STAB2: variants seen among roughly 807,000 people sequenced by gnomAD.
STAB2 encodes the protein stabilin 2, also known as stabilin-2.
In STAB2, 288 loss-of-function variants were observed where a neutral mutation model predicts 338.1. The observed-to-expected ratio is 0.85, with a 90% CI of 0.77 to 0.94. The LOEUF is 0.94. Among genes scored for constraint, STAB2 ranks in the 40% least tolerant of loss-of-function variants. The pLI is 0.00. For missense variants in STAB2, 3,141 were observed against 3,210.1 expected (o/e 0.98, Z 0.52); for synonymous variants, 1,202 against 1,193.3 (o/e 1.01, Z -0.15).
At chr12:103,747,113 C>T (rs1883121595) in intron 58 of STAB2, among the ~76,000 whole-genome samples, 1 of 151,950 alleles carries the variant, frequency 6.6e-6, no homozygotes, top group Non-Finnish European at 1.5e-5. Context: ...TGCGCCACCG[C>T]ACCTGGCTAA....
intron 24 of STAB2, among the ~76,000 whole-genome samples, chr12:103,676,375 G>A (rs2138841452): frequency 6.6e-6 from 1 of 152,248 alleles, no homozygotes; most frequent in East Asian, 1.9e-4. Flanking sequence ...TTTCTTGTTG[G>A]CTTTTTTCAG....
At chr12:103,745,357 G>A (rs1882945331) in intron 57 of STAB2, 80 bp downstream of exon 57, 2 of 1,296,754 alleles carry the variant, frequency 1.5e-6, no homozygotes, top group African/African-American at 1.5e-5. Flanking sequence ...GAGGTTGGGA[G>A]TCTGAGTGAC....
intron 63 of STAB2, chr12:103,757,937 G>A (rs770468134): frequency 1.3e-4 from 76 of 566,832 alleles, no homozygotes; most frequent in Non-Finnish European, 1.9e-4. Context: ...AAGCAGCCAC[G>A]TGGAGGATGG....
Position 103,609,749 on chromosome 12 carries a change from C to T in STAB2, c.332-10719C>T, listed in dbSNP as rs555501714. On this transcript the variant is annotated intron_variant, in intron 3 of 68. Coordinates refer to ENST00000388887, the MANE Select transcript of STAB2 (RefSeq NM_017564.10). ...GTTGAATAGGAGTGGTGAGAGAGGA[C>T]ATCCCTGTCTTGTGCCAGTTTTCAA... 2.2e-3 allele frequency among the ~76,000 whole-genome samples: 330 copies of T among 152,248 alleles called. 2 individuals carry two copies. The highest frequency in any genetic ancestry group is 7.5e-3 in the African/African-American group (311 of 41,538).
chr12:103,620,211 T>C (rs1046071551), intron 3 of STAB2, among the ~76,000 whole-genome samples: 13 of 152,214 alleles, frequency 8.5e-5, no homozygotes, highest in African/African-American at 3.1e-4. Context: ...GTGATCTAAT[T>C]TGATCATTGT....
At chr12:103,621,320 T>C (rs1050279724) in intron 4 of STAB2, among the ~76,000 whole-genome samples, 1 of 152,106 alleles carries the variant, frequency 6.6e-6, no homozygotes, top group Admixed American at 6.6e-5. Flanking sequence ...GATTTTCTTT[T>C]ACCAGTTGAA....
chr12:103,732,736 T>A (rs1279701824), intron 50 of STAB2, among the ~76,000 whole-genome samples: 2 of 151,670 alleles, frequency 1.3e-5, no homozygotes, highest in Non-Finnish European at 2.9e-5. Context: ...ACCCACGAGG[T>A]TGAAGCTGCA....
At chr12:103,668,227 AT>A (rs1285646438) in intron 19 of STAB2, among the ~76,000 whole-genome samples, 1 of 152,212 alleles carries the variant, frequency 6.6e-6, no homozygotes, top group African/African-American at 2.4e-5. Flanking sequence ...GACTATCACA[AT>A]TTTGTTTGGC....
At chr12:103,660,481 A>G (rs1460496577) in intron 16 of STAB2, 97 bp downstream of exon 16, 1 of 1,453,680 alleles carries the variant, frequency 6.9e-7, no homozygotes, top group East Asian at 2.3e-5. Flanking sequence ...AATGTCCTTT[A>G]TCTGTAGCTC....
chr12:103,640,766 A>G (rs554941857), intron 9 of STAB2, among the ~76,000 whole-genome samples: 30 of 152,362 alleles, frequency 2.0e-4, no homozygotes, highest in African/African-American at 6.3e-4. Flanking sequence ...CTCACATGAT[A>G]GAAAGAAGAT....
At chr12:103,747,492 C>A (rs1011343846) in intron 58 of STAB2, among the ~76,000 whole-genome samples, 3 of 152,138 alleles carry the variant, frequency 2.0e-5, no homozygotes, top group Non-Finnish European at 2.9e-5. Flanking sequence ...ATACCATAAG[C>A]CCAGCCTGGA....
intron 3 of STAB2, among the ~76,000 whole-genome samples, chr12:103,598,955 G>A (rs1213223550): frequency 1.3e-5 from 2 of 152,208 alleles, no homozygotes; most frequent in African/African-American, 4.8e-5. Context: ...GTACCTGTGA[G>A]CCCAGGTGAG....
intron 52 of STAB2, among the ~76,000 whole-genome samples, chr12:103,737,411 A>T (rs60668623): frequency 0.12 from 17,750 of 152,220 alleles, 1,324 homozygotes; most frequent in South Asian, 0.2. Flanking sequence ...TAAAAGAATT[A>T]GCACAGGTAA....
At position 103,648,842 on chromosome 12, in the gene STAB2, A is replaced by G; in HGVS notation, c.1174+19A>G. The G allele has an allele frequency of 6.2e-7, 1 of 1,609,424 alleles. No homozygotes were observed. The highest frequency in any genetic ancestry group is 2.2e-5 in the East Asian group (1 of 44,834). ...CTCCTAGGTACGCAGCTATGGGTAC[A>G]GATTTCCACACAAAAGTCCTCTTTC... On this transcript the variant is annotated intron_variant, in intron 10 of 68. Transcript: ENST00000388887.
In STAB2 at chr12:103,638,160, T is replaced by C. The variant is rs774691546; in HGVS notation, c.854T>C (p.Phe285Ser). ...CLPVDPCQIN[F>S]GNCPTKSTVC... ...CCTGTGGACCCCTGCCAAATTAACT[T>C]TGGAAACTGCCCTACAAAGTCTACA... is the stretch of plus-strand genomic sequence containing the variant. The change falls in exon 8 of 69, where the codon TTT (phenylalanine) becomes TCT (serine). Residue 285 changes from phenylalanine to serine, a missense_variant. By Grantham distance (155) the Phe-to-Ser change is radical (BLOSUM62 -2). Transcript: ENST00000388887. The C allele has an allele frequency of 3.7e-6, 6 of 1,614,154 alleles. No individual in the cohort carries two copies. The South Asian group carries it at 6.6e-5, about 18-fold the overall frequency.
intron 3 of STAB2, among the ~76,000 whole-genome samples, chr12:103,606,602 A>G (rs1957031691): frequency 6.6e-6 from 1 of 152,098 alleles, no homozygotes; most frequent in Non-Finnish European, 1.5e-5. Context: ...TTTGAAAGAT[A>G]TTGTTGTATA....
chr12:103,696,635 AC>A (rs1321980417), intron 33 of STAB2, among the ~76,000 whole-genome samples: 4 of 152,128 alleles, frequency 2.6e-5, no homozygotes, highest in African/African-American at 9.7e-5. Context: ...TTGACTATTT[AC>A]CCCTAGATGT....
Position 103,699,287 on chromosome 12 carries a change from T to A in STAB2, c.3714+60T>A, listed in dbSNP as rs1374083542. The A allele has an allele frequency of 2.6e-6, 4 of 1,556,388 alleles. No individual in the cohort carries two copies. The South Asian group carries it at 4.7e-5, about 18-fold the overall frequency. On this transcript the variant is annotated intron_variant, in intron 34 of 68. Transcript: ENST00000388887. The stretch of plus-strand genomic sequence containing the variant: ...ACCGAGAATTACATCAGGGAGAGTA[T>A]GAGGAATGAGTGTCTTGGCTCCTGT...
At chr12:103,589,265 G>A (rs759117048) in intron 1 of STAB2, among the ~76,000 whole-genome samples, 2 of 152,164 alleles carry the variant, frequency 1.3e-5, no homozygotes, top group Non-Finnish European at 2.9e-5. Context: ...TATTAGGCCC[G>A]TGGATGAGCT....
Sources: gnomAD v4.1 joint callset for allele counts (sites outside exome capture counted in the v4.1 genomes callset) on GRCh38, gnomAD v4.1.1 for gene constraint, MANE v1.5 for transcripts, NCBI Gene and HGNC (gene_info 2026-07-23, HGNC 2026-07-21) for gene names.